The following DPY19L3 variants were observed in gnomAD, a reference collection of about 807,000 sequenced individuals.
DPY19L3 encodes dpy-19 like C-mannosyltransferase 3, also known as protein C-mannosyl-transferase DPY19L3.
Under a neutral mutation model 92.3 loss-of-function variants are expected in DPY19L3, and 51 were observed. That is an observed-to-expected ratio of 0.55 (90% confidence interval 0.44 to 0.70). DPY19L3 has a LOEUF of 0.70. Among genes scored for constraint, DPY19L3 ranks in the 30% least tolerant of loss-of-function variants. The probability of loss-of-function intolerance (pLI) is 0.00; values close to 1 mark genes in which losing one functional copy is unlikely to be tolerated. For missense variants in DPY19L3, 706 were observed against 855.9 expected (o/e 0.82, Z 2.18); for synonymous variants, 309 against 315.2 (o/e 0.98, Z 0.21).
In DPY19L3 at chr19:32,480,407, G is replaced by A; in HGVS notation, c.1839G>A (p.Gln613=). The A allele has an allele frequency of 1.2e-6, 2 of 1,609,464 alleles. No homozygotes were observed. The highest frequency in any genetic ancestry group is 1.7e-6 in the Non-Finnish European group (2 of 1,178,576). The part of the protein sequence containing the change: ...SLRERTRAVY[Q]IYAKRAPEEV... ...TTTATGTCTTTTTGAAGGTTTATCA[G>A]ATATATGCCAAGAGGGCACCAGAGG... Residue 613 remains glutamine (Q), a synonymous_variant, in exon 18 of 19, where the codon CAG becomes CAA. Transcript: ENST00000392250.
In DPY19L3 at chr19:32,480,455, C is replaced by G; in HGVS notation, c.1887C>G (p.Ser629=). The change falls in exon 18 of 19, where the codon TCC becomes TCG. Residue 629 remains serine, a synonymous_variant. Coordinates refer to ENST00000392250, the MANE Select transcript of DPY19L3 (RefSeq NM_001172774.2). ...APEEVHALLR[S]FGTDYVILED... Reference sequence around the variant, plus strand: ...AGGAAGTGCATGCCCTCCTAAGGTCCTTCGGCACTGACTACGTAATCCTGG... The same window carrying G: ...AGGAAGTGCATGCCCTCCTAAGGTCGTTCGGCACTGACTACGTAATCCTGG... The G allele has an allele frequency of 6.2e-7, 1 of 1,614,182 alleles. No individual in the cohort carries two copies. Among genetic ancestry groups the G allele is most frequent in the Non-Finnish European group, 8.5e-7 (1 of 1,180,020 alleles).
chr19:32,458,892 C>G (rs187075857), intron 12 of DPY19L3, among the ~76,000 whole-genome samples: 20 of 152,280 alleles, frequency 1.3e-4, no homozygotes, highest in Non-Finnish European at 5.9e-5. Flanking sequence ...GCCTAGACTT[C>G]GGCAGGTACA....
chr19:32,446,951 T>C (rs1000993329), intron 8 of DPY19L3, among the ~76,000 whole-genome samples: 2 of 151,818 alleles, frequency 1.3e-5, no homozygotes, highest in African/African-American at 2.4e-5. Flanking sequence ...CAACAGACTA[T>C]CTCCCGAGCC....
At chr19:32,470,057 C>T (rs1257849923) in intron 16 of DPY19L3, among the ~76,000 whole-genome samples, 5 of 152,206 alleles carry the variant, frequency 3.3e-5, no homozygotes, top group Non-Finnish European at 7.3e-5. Context: ...CTCCCTAGGG[C>T]AACGCATGGA....
intron 8 of DPY19L3, among the ~76,000 whole-genome samples, chr19:32,446,643 A>G (rs1465931069): frequency 1.3e-5 from 2 of 152,248 alleles, no homozygotes; most frequent in Admixed American, 1.3e-4. Context: ...TAATGATAAA[A>G]CGTTCAATGT....
At chr19:32,408,440 T>C in intron 2 of DPY19L3, 84 bp downstream of exon 2, 1 of 950,102 alleles carries the variant, frequency 1.1e-6, no homozygotes, top group Non-Finnish European at 1.6e-6. Flanking sequence ...GATAAAAATT[T>C]GGTGGGACCT....
chr19:32,447,939 A>G (rs1267654672), intron 8 of DPY19L3, among the ~76,000 whole-genome samples: 1 of 152,154 alleles, frequency 6.6e-6, no homozygotes, highest in Non-Finnish European at 1.5e-5. Flanking sequence ...TTCAATCTTA[A>G]CAGACTTTGA....
intron 4 of DPY19L3, among the ~76,000 whole-genome samples, chr19:32,435,211 A>G (rs1452392346): frequency 2.0e-5 from 3 of 152,216 alleles, no homozygotes; most frequent in Non-Finnish European, 4.4e-5. Context: ...TAAGAACACC[A>G]GTCCTATCAG....
chr19:32,462,011 A>G (rs1234572594), intron 12 of DPY19L3, among the ~76,000 whole-genome samples: 2 of 152,086 alleles, frequency 1.3e-5, no homozygotes, highest in East Asian at 3.8e-4. Context: ...TTTCTATACT[A>G]TGTTTTTTTC....
chr19:32,480,433 A>C lies in DPY19L3; in HGVS notation c.1865A>C (p.Glu622Ala). 6.2e-7 allele frequency: 1 copy of C among 1,613,634 alleles called. No individual in the cohort carries two copies. Among genetic ancestry groups the C allele is most frequent in the Non-Finnish European group, 8.5e-7 (1 of 1,179,834 alleles). ...ATATATGCCAAGAGGGCACCAGAGGAAGTGCATGCCCTCCTAAGGTCCTTC... is the reference window on the plus strand; with the variant it reads ...ATATATGCCAAGAGGGCACCAGAGGCAGTGCATGCCCTCCTAAGGTCCTTC... ...YQIYAKRAPE[E>A]VHALLRSFGT... is the part of the protein sequence containing the mutation. Residue 622 changes from glutamate (E) to alanine (A), a missense_variant, in exon 18 of 19, where the codon GAA becomes GCA. Coordinates refer to ENST00000392250, the MANE Select transcript of DPY19L3 (RefSeq NM_001172774.2).
At chr19:32,467,112 T>G (rs17692223) in intron 15 of DPY19L3, among the ~76,000 whole-genome samples, 24,126 of 152,246 alleles carry the variant, frequency 0.16, 2,374 homozygotes, top group Middle Eastern at 0.25. Context: ...GTCAAGACTT[T>G]AGTAAAATTA....
intron 8 of DPY19L3, among the ~76,000 whole-genome samples, chr19:32,443,204 G>A (rs767984065): frequency 9.2e-5 from 14 of 152,096 alleles, no homozygotes; most frequent in Non-Finnish European, 1.3e-4. Context: ...CTGAACTTTC[G>A]CCTTCACCCA....
At chr19:32,436,940 A>G (rs1969161518) in intron 5 of DPY19L3, among the ~76,000 whole-genome samples, 2 of 151,994 alleles carry the variant, frequency 1.3e-5, no homozygotes, top group Non-Finnish European at 2.9e-5. Context: ...GTATCATCAG[A>G]CAAAGTTAGG....
intron 3 of DPY19L3, among the ~76,000 whole-genome samples, chr19:32,423,659 T>C (rs1291018482): frequency 6.6e-6 from 1 of 151,812 alleles, no homozygotes; most frequent in Non-Finnish European, 1.5e-5. Flanking sequence ...TGCATAATAA[T>C]AACATAACAG....
intron 9 of DPY19L3, 99 bp from the exon 10 acceptor site, chr19:32,454,840 A>G (rs975184108): frequency 9.5e-6 from 7 of 735,550 alleles, no homozygotes; most frequent in African/African-American, 1.8e-5. Context: ...TTTATGTTAT[A>G]TGAGCCAGTG....
chr19:32,411,161 T>G, intron 2 of DPY19L3, 78 bp from the exon 3 acceptor site: 1 of 1,463,076 alleles, frequency 6.8e-7, no homozygotes, highest in Non-Finnish European at 9.3e-7. Flanking sequence ...CTTAGCTTAC[T>G]TGATAATCTG....
intron 3 of DPY19L3, among the ~76,000 whole-genome samples, chr19:32,426,451 T>TGA (rs2145450544): frequency 6.6e-6 from 1 of 152,342 alleles, no homozygotes; most frequent in African/African-American, 2.4e-5. Flanking sequence ...TTTTGGTCTC[T>TGA]CTCAACTTTC....
intron 3 of DPY19L3, chr19:32,412,849 G>A (rs2145402147): frequency 6.6e-6 from 1 of 152,056 alleles, no homozygotes. Flanking sequence ...AGAATCACTT[G>A]AACTCGGGAG....
intron 3 of DPY19L3, among the ~76,000 whole-genome samples, chr19:32,418,904 T>G (rs1968466921): frequency 6.6e-6 from 1 of 151,998 alleles, no homozygotes; most frequent in African/African-American, 2.4e-5. Context: ...ATATGAAAAG[T>G]GGGAACCCTG....
Sources: allele counts gnomAD v4.1 joint callset (sites outside exome capture counted in the v4.1 genomes callset), GRCh38; gene constraint gnomAD v4.1.1; transcripts MANE v1.5; gene names NCBI Gene and HGNC (gene_info 2026-07-23, HGNC 2026-07-21).